Variants in QSER1 observed in about 807,000 individuals in gnomAD.
QSER1 encodes glutamine and serine-rich protein 1.
A neutral mutation model predicts 158.5 loss-of-function variants in QSER1; 49 were observed. That is an observed-to-expected ratio of 0.31 (90% CI 0.25 to 0.39). The LOEUF (loss-of-function observed/expected upper bound fraction) is 0.39, where lower values mean the gene tolerates loss of function less well. Ranked by LOEUF, QSER1 falls within the 10% of genes least tolerant of loss-of-function variation. QSER1 has a pLI of 1.00. For synonymous variants in QSER1, 650 were observed against 715.5 expected, an observed-to-expected ratio of 0.91 and a Z score of 1.46; for missense variants, 1,754 against 2,010.3, an observed-to-expected ratio of 0.87 and a Z score of 2.44.
intron 1 of QSER1, among the ~76,000 whole-genome samples, chr11:32,900,081 G>A (rs563543734): frequency 6.6e-6 from 1 of 152,214 alleles, no homozygotes; most frequent in South Asian, 2.1e-4. Flanking sequence ...AGCAAATCCT[G>A]TTGGTTCAAT....
At position 32,957,878 on chromosome 11, in the gene QSER1, A is replaced by C; in HGVS notation, c.4761A>C (p.Gln1587His). The C allele has an allele frequency of 1.2e-6, 2 of 1,613,950 alleles. No homozygotes were observed. Among genetic ancestry groups the C allele is most frequent in the Non-Finnish European group, 1.7e-6 (2 of 1,179,864 alleles). The change falls in exon 8 of 13, where the codon CAA (glutamine) becomes CAC (histidine). Residue 1587 changes from glutamine to histidine, a missense_variant. Coordinates refer to ENST00000650167, the MANE Select transcript of QSER1 (RefSeq NM_001076786.3). Reference sequence around the variant, plus strand: ...GTTTATAACATTGCAGAACTGTTCAAGCTAAGCCAAGTAGTAGCAGTAAAA... The same window carrying C: ...GTTTATAACATTGCAGAACTGTTCACGCTAAGCCAAGTAGTAGCAGTAAAA... ...NKPSQTIRTV[Q>H]AKPSSSSKTS...
At chr11:32,969,967 G>A (rs1474990136) in intron 10 of QSER1, among the ~76,000 whole-genome samples, 19 of 152,150 alleles carry the variant, frequency 1.2e-4, no homozygotes, top group Admixed American at 1.2e-3. Context: ...TTACAGGCGT[G>A]AGCCACTGCA....
At chr11:32,975,975 T>G (rs1014498911) in intron 12 of QSER1, among the ~76,000 whole-genome samples, 1 of 152,172 alleles carries the variant, frequency 6.6e-6, no homozygotes, top group Admixed American at 6.6e-5. Context: ...TTGACAGTAG[T>G]CTGGTATGGA....
chr11:32,943,749 A>C (rs990799486), intron 4 of QSER1, among the ~76,000 whole-genome samples: 12 of 152,160 alleles, frequency 7.9e-5, no homozygotes, highest in Non-Finnish European at 1.6e-4. Context: ...CTGGCCTCAT[A>C]AAATGAGTTA....
intron 8 of QSER1, among the ~76,000 whole-genome samples, chr11:32,964,995 G>A (rs944701513): frequency 6.6e-6 from 1 of 151,632 alleles, no homozygotes; most frequent in African/African-American, 2.4e-5. Flanking sequence ...CAAGTAGCTG[G>A]GACTACAGGT....
intron 6 of QSER1, 114 bp from the exon 7 acceptor site, chr11:32,955,874 G>C (rs1429499768): frequency 1.1e-6 from 1 of 911,472 alleles, no homozygotes; most frequent in African/African-American, 1.7e-5. Context: ...AGCCTGGCCA[G>C]AGCTGCATTT....
intron 4 of QSER1, among the ~76,000 whole-genome samples, chr11:32,937,526 A>T (rs1165408759): frequency 6.6e-6 from 1 of 152,056 alleles, no homozygotes; most frequent in Admixed American, 6.6e-5. Flanking sequence ...GGCCTCGAGC[A>T]GTCCTCCCAC....
At chr11:32,898,195 A>T (rs1851579324) in intron 1 of QSER1, among the ~76,000 whole-genome samples, 1 of 152,186 alleles carries the variant, frequency 6.6e-6, no homozygotes, top group African/African-American at 2.4e-5. Context: ...AACATCTGTA[A>T]TATGGTCAGG....
intron 1 of QSER1, among the ~76,000 whole-genome samples, chr11:32,915,231 A>G (rs1404712874): frequency 3.3e-5 from 5 of 152,186 alleles, no homozygotes; most frequent in African/African-American, 4.8e-5. Context: ...TGAGAAAATT[A>G]TAATTTTTTT....
At position 32,934,041 on chromosome 11, in the gene QSER1, C is replaced by G; in HGVS notation, c.2783C>G (p.Ser928Cys). ...TCTGAAGTTATGAAAATGGACCTCT[C>G]TGAGTCTTCAAAACCATTACAACAA... is the stretch of plus-strand genomic sequence containing the variant. ...QNSEVMKMDL[S>C]ESSKPLQQHL... The change falls in exon 4 of 13, where the codon TCT (serine) becomes TGT (cysteine). Residue 928 changes from serine (S) to cysteine (C), a missense_variant. This residue lies in a region of QSER1 where 1,707 missense variants were observed against 1,919.6 expected (regional missense o/e 0.89). Coordinates refer to ENST00000650167, the MANE Select transcript of QSER1 (RefSeq NM_001076786.3). 6.2e-7 allele frequency: 1 copy of G among 1,613,828 alleles called. No individual in the cohort carries two copies. The highest frequency in any genetic ancestry group is 8.5e-7 in the Non-Finnish European group (1 of 1,179,936).
chr11:32,972,654 T>C (rs1475814074), intron 10 of QSER1, among the ~76,000 whole-genome samples: 1 of 152,070 alleles, frequency 6.6e-6, no homozygotes, highest in African/African-American at 2.4e-5. Flanking sequence ...CAGGCTGGTC[T>C]CGAACTCCTG....
intron 1 of QSER1, among the ~76,000 whole-genome samples, chr11:32,916,780 C>T (rs1377718855): frequency 5.1e-5 from 4 of 77,816 alleles, no homozygotes; most frequent in African/African-American, 1.7e-4. Context: ...GGGCATGACT[C>T]TATTTTTTTT....
intron 2 of QSER1, among the ~76,000 whole-genome samples, chr11:32,927,582 A>AT (rs1422977714): frequency 2.0e-5 from 3 of 151,746 alleles, no homozygotes; most frequent in African/African-American, 7.3e-5. Context: ...TAATTTTTGT[A>AT]TTTTTTAGTA....
Position 32,954,032 on chromosome 11 carries a change from T to G in QSER1, c.4353T>G (p.Gly1451=). Residue 1451 remains glycine (G), a synonymous_variant, in exon 5 of 13, where the codon GGT becomes GGG. Transcript: ENST00000650167. Reference sequence around the variant, plus strand: ...CCTCAAAGCCCATTGAACTTGATGGTCTTCCTTCAGACCAGTTTGCAAAAG... The same window carrying G: ...CCTCAAAGCCCATTGAACTTGATGGGCTTCCTTCAGACCAGTTTGCAAAAG... ...SESSKPIELD[G]LPSDQFAKGQ... is the part of the protein sequence containing the mutation. The G allele has an allele frequency of 6.2e-7, 1 of 1,614,164 alleles. No homozygotes were observed. The highest frequency in any genetic ancestry group is 8.5e-7 in the Non-Finnish European group (1 of 1,180,008).
In QSER1 at chr11:32,934,759, A is replaced by G; in HGVS notation, c.3501A>G (p.Pro1167=). Reference sequence around the variant, plus strand: ...ACGACAGTGGTGTGTCAATGAACCCAGCTAGGAGTGCACTTGCACTGTTGG... The same window carrying G: ...ACGACAGTGGTGTGTCAATGAACCCGGCTAGGAGTGCACTTGCACTGTTGG... ...GGDDSGVSMN[P]ARSALALLAM... Residue 1167 remains proline, a synonymous_variant, in exon 4 of 13, where the codon CCA becomes CCG. Coordinates refer to ENST00000650167, the MANE Select transcript of QSER1 (RefSeq NM_001076786.3). 6.2e-7 allele frequency: 1 copy of G among 1,614,034 alleles called. No individual in the cohort carries two copies. The highest frequency in any genetic ancestry group is 8.5e-7 in the Non-Finnish European group (1 of 1,179,978).
chr11:32,897,957 T>G (rs538842173), intron 1 of QSER1, among the ~76,000 whole-genome samples: 8 of 152,330 alleles, frequency 5.3e-5, no homozygotes, highest in African/African-American at 1.4e-4. Flanking sequence ...ACTGTCTGCT[T>G]CTTTTGTATC....
rs1852989663 is a variant in QSER1 at position 32,977,021 on chromosome 11, C to CT, written c.*551dup. 6.6e-6 allele frequency: 1 copy of CT among 152,602 alleles called. No homozygotes were observed. The highest frequency in any genetic ancestry group is 1.5e-5 in the Non-Finnish European group (1 of 68,068). 9.5% of individuals were successfully genotyped at this position (152,602 alleles called of 1,614,324 possible). A position where few individuals can be genotyped will look rare whatever the true frequency, so the allele number is the denominator to read the frequency against. ...GGAAACTATTCTGCTTTACAGACTC[C>CT]TTTTACTCTTAACATGTTCAGGAAA... On this transcript the variant is annotated 3_prime_UTR_variant, in exon 13 of 13. Coordinates refer to ENST00000650167, the MANE Select transcript of QSER1 (RefSeq NM_001076786.3).
rs143538754 is a variant in QSER1 at position 32,931,970 on chromosome 11, G to A, written c.712G>A (p.Val238Ile). The A allele has an allele frequency of 3.3e-4, 539 of 1,614,212 alleles. No homozygotes were observed. In the East Asian group the frequency reaches 9.7e-3, roughly 29 times the overall value. Residue 238 changes from valine to isoleucine, a missense_variant, in exon 4 of 13, where the codon GTT becomes ATT. Coordinates refer to ENST00000650167, the MANE Select transcript of QSER1 (RefSeq NM_001076786.3). ...ACAAATCAAGACTTCCCAGGGAACT[G>A]TTCCAACTGCTTTGGCATTTGAGCG... ...LLQIKTSQGT[V>I]PTALAFERLG...
intron 1 of QSER1, among the ~76,000 whole-genome samples, chr11:32,897,204 A>G (rs909595543): frequency 1.3e-5 from 2 of 152,202 alleles, no homozygotes; most frequent in African/African-American, 4.8e-5. Context: ...CCTTTTATGG[A>G]TGAGGAAACT....
Sources: allele counts gnomAD v4.1 joint callset (sites outside exome capture counted in the v4.1 genomes callset), GRCh38; gene constraint gnomAD v4.1.1; regional missense constraint gnomAD v4.1.1; transcripts MANE v1.5; gene names NCBI Gene and HGNC (gene_info 2026-07-23, HGNC 2026-07-21).